The following GLMN variants were observed in gnomAD, a reference collection of about 807,000 sequenced individuals.
GLMN encodes glomulin.
GLMN carries 75 observed loss-of-function variants against 87.8 expected under a neutral mutation model. The observed-to-expected ratio is 0.85, with a 90% CI of 0.71 to 1.04. The LOEUF (loss-of-function observed/expected upper bound fraction) is 1.04. GLMN is among the 50% of genes least tolerant of loss of function. The pLI, the probability that GLMN is intolerant of heterozygous loss-of-function variation, is 0.00. For synonymous variants in GLMN, 206 were observed against 221.6 expected, an observed-to-expected ratio of 0.93 and a Z score of 0.63; for missense variants, 588 against 658.8, an observed-to-expected ratio of 0.89 and a Z score of 1.18.
At chr1:92,301,205 C>G (rs970646677), upstream of GLMN, among the ~76,000 whole-genome samples, 4 of 152,064 alleles carry the variant, frequency 2.6e-5, no homozygotes, top group Non-Finnish European at 5.9e-5. Flanking sequence ...GAAATTTGGC[C>G]GGATGTGGTG....
At chr1:92,292,749 T>C (rs1482191111) in intron 3 of GLMN, among the ~76,000 whole-genome samples, 11 of 134,296 alleles carry the variant, frequency 8.2e-5, no homozygotes, top group African/African-American at 1.0e-4. Flanking sequence ...TTTTTTTTTT[T>C]AAGCATGGTG....
At chr1:92,329,864 T>C in the GLMN span, among the ~76,000 whole-genome samples, 6 of 152,332 alleles carry the variant, frequency 3.9e-5, no homozygotes, top group East Asian at 1.2e-3. Context: ...TTGGTCATGG[T>C]CTCATCATAA....
At chr1:92,282,190 C>T (rs1214344663) in intron 7 of GLMN, among the ~76,000 whole-genome samples, 3 of 152,168 alleles carry the variant, frequency 2.0e-5, no homozygotes, top group African/African-American at 2.4e-5. Flanking sequence ...AGCACCATAT[C>T]GCACTTATTC....
the GLMN span, among the ~76,000 whole-genome samples, chr1:92,368,214 A>C: frequency 6.6e-6 from 1 of 152,268 alleles, no homozygotes; most frequent in South Asian, 2.1e-4. Context: ...CCCCATCTCT[A>C]ATAAAAATAC....
At chr1:92,300,129 T>C (rs1650707956), upstream of GLMN, 4 of 1,098,752 alleles carry the variant, frequency 3.6e-6, no homozygotes, top group Admixed American at 3.9e-5. Context: ...GAGACCGCTG[T>C]CTGTATGCTG....
chr1:92,328,985 T>C, the GLMN span, among the ~76,000 whole-genome samples: 5 of 152,212 alleles, frequency 3.3e-5, no homozygotes, highest in African/African-American at 9.6e-5. Context: ...CAAAGGGTCC[T>C]GTGATGTGAT....
At chr1:92,276,183 G>A (rs1437543335) in intron 7 of GLMN, among the ~76,000 whole-genome samples, 1 of 152,008 alleles carries the variant, frequency 6.6e-6, no homozygotes, top group East Asian at 1.9e-4. Flanking sequence ...CCATGGTTGT[G>A]CCACTGCACT....
chr1:92,287,012 C>A (rs1217111590), intron 6 of GLMN, among the ~76,000 whole-genome samples: 2 of 152,188 alleles, frequency 1.3e-5, no homozygotes, highest in East Asian at 3.8e-4. Context: ...TGGATTAAGA[C>A]AAGCATCAAT....
At chr1:92,248,673 C>T (rs1653013521) in intron 16 of GLMN, among the ~76,000 whole-genome samples, 1 of 152,062 alleles carries the variant, frequency 6.6e-6, no homozygotes, top group Admixed American at 6.6e-5. Flanking sequence ...CGTAGGGACC[C>T]AATTTATTCT....
the GLMN span, among the ~76,000 whole-genome samples, chr1:92,321,417 T>C: frequency 6.6e-6 from 1 of 152,070 alleles, no homozygotes. Flanking sequence ...AAACTAACTT[T>C]TCATCTTTTT....
At chr1:92,282,749 AAG>A (rs1193451878) in intron 7 of GLMN, among the ~76,000 whole-genome samples, 4 of 152,208 alleles carry the variant, frequency 2.6e-5, no homozygotes, top group African/African-American at 9.7e-5. Context: ...TAAAGAAGAA[AAG>A]AGAGAAGAAT....
At chr1:92,348,448 A>G in the GLMN span, among the ~76,000 whole-genome samples, 1 of 152,038 alleles carries the variant, frequency 6.6e-6, no homozygotes, top group East Asian at 1.9e-4. Flanking sequence ...TTGTTTTCTG[A>G]TAATTCTAAC....
intron 3 of GLMN, among the ~76,000 whole-genome samples, chr1:92,292,604 T>A (rs947869701): frequency 6.8e-6 from 1 of 147,642 alleles, no homozygotes; most frequent in African/African-American, 2.5e-5. Flanking sequence ...TTTTTTTTTT[T>A]AGTAGAGATG....
At chr1:92,278,877 C>T (rs1415208509) in intron 7 of GLMN, among the ~76,000 whole-genome samples, 1 of 152,182 alleles carries the variant, frequency 6.6e-6, no homozygotes, top group Non-Finnish European at 1.5e-5. Flanking sequence ...AGCCCAATGA[C>T]CTTTGCCTCT....
At chr1:92,324,750 G>A in the GLMN span, among the ~76,000 whole-genome samples, 166 of 152,148 alleles carry the variant, frequency 1.1e-3, no homozygotes, top group Non-Finnish European at 1.8e-3. Flanking sequence ...GTGTTTAATG[G>A]AAGTATATGC....
the GLMN span, among the ~76,000 whole-genome samples, chr1:92,349,123 T>C: frequency 6.6e-6 from 1 of 152,242 alleles, no homozygotes; most frequent in Non-Finnish European, 1.5e-5. Context: ...CAGAAAATTT[T>C]CACATCTACT....
the GLMN span, among the ~76,000 whole-genome samples, chr1:92,342,396 G>T: frequency 6.6e-5 from 10 of 152,326 alleles, no homozygotes; most frequent in Middle Eastern, 3.4e-3. Context: ...AGAGTAGAGA[G>T]ATATGTGGTC....
At chr1:92,327,551 T>C in the GLMN span, among the ~76,000 whole-genome samples, 3 of 152,250 alleles carry the variant, frequency 2.0e-5, no homozygotes, top group South Asian at 2.1e-4. Context: ...TGAATCCTTA[T>C]GTGTCAGGTG....
intron 16 of GLMN, among the ~76,000 whole-genome samples, chr1:92,258,201 A>T (rs910718054): frequency 2.0e-5 from 3 of 152,256 alleles, no homozygotes; most frequent in African/African-American, 7.2e-5. Flanking sequence ...AACCACAATG[A>T]GATACCATCT....
Sources: allele counts gnomAD v4.1 joint callset (sites outside exome capture counted in the v4.1 genomes callset), GRCh38; gene constraint gnomAD v4.1.1; transcripts MANE v1.5; gene names NCBI Gene and HGNC (gene_info 2026-07-23, HGNC 2026-07-21).